The following CDH4 variants were observed in gnomAD, a reference collection of about 807,000 sequenced individuals.
CDH4 encodes the protein cadherin-4.
CDH4 carries 33 observed loss-of-function variants against 86.0 expected under a neutral mutation model. The ratio of observed to expected loss-of-function variants is 0.38; its 90% CI spans 0.29 to 0.51. CDH4 has a LOEUF of 0.51. Among genes scored for constraint, CDH4 ranks in the 20% least tolerant of loss-of-function variants. CDH4 has a pLI of 0.86. For missense variants in CDH4, 1,114 were observed against 1,307.4 expected (o/e 0.85, Z 2.28); for synonymous variants, 555 against 549.4 (o/e 1.01, Z -0.14).
At chr20:61,719,076 G>A (rs768739102) in intron 2 of CDH4, 1 of 471,130 alleles carries the variant, frequency 2.1e-6, no homozygotes, top group Non-Finnish European at 4.4e-6. Context: ...AGGAAGTGCT[G>A]GCGAAAGCAA....
intron 3 of CDH4, among the ~76,000 whole-genome samples, chr20:61,748,132 G>A (rs1240123191): frequency 6.6e-6 from 1 of 151,828 alleles, no homozygotes; most frequent in African/African-American, 2.4e-5. Context: ...GCCATTGAAT[G>A]ATTTCTTTTC....
In CDH4 at chr20:61,265,781, T is replaced by C. The variant is rs189246030; in HGVS notation, c.169+10844T>C. 5.3e-5 allele frequency among the ~76,000 whole-genome samples: 8 copies of C among 152,294 alleles called. No homozygotes were observed. In the South Asian group the frequency reaches 8.3e-4, roughly 16 times the overall value. On this transcript the variant is annotated intron_variant, in intron 2 of 15. Transcript: ENST00000614565. ...TGAGTGACCTGGCATGAGCTGTGGG[T>C]CAGGGAGGTCTATCTGAAGGAATGC...
At chr20:61,764,937 C>G (rs571729831) in intron 3 of CDH4, among the ~76,000 whole-genome samples, 1 of 152,204 alleles carries the variant, frequency 6.6e-6, no homozygotes, top group Non-Finnish European at 1.5e-5. Flanking sequence ...ACAGTAGGAT[C>G]AGCAGAATGC....
intron 2 of CDH4, among the ~76,000 whole-genome samples, chr20:61,319,901 G>A (rs2084498945): frequency 6.6e-6 from 1 of 151,228 alleles, no homozygotes; most frequent in South Asian, 2.1e-4. Flanking sequence ...GATGCAGTAA[G>A]CCGAGATTAT....
chr20:61,383,114 A>AGAATATATATGAATATATTATATATAT (rs1208753218), intron 2 of CDH4, among the ~76,000 whole-genome samples: 1,098 of 80,368 alleles, frequency 0.014, 164 homozygotes, highest in African/African-American at 0.058. Flanking sequence ...TATTATATAT[A>AGAATATATATGAATATATTATATATAT]GAATATATAT....
intron 2 of CDH4, among the ~76,000 whole-genome samples, chr20:61,636,891 C>G (rs2086952962): frequency 6.6e-6 from 1 of 152,180 alleles, no homozygotes; most frequent in Admixed American, 6.5e-5. Flanking sequence ...GGCCCACCCT[C>G]CCTGAGCTGC....
chr20:61,845,531 A>C (rs1418968545), intron 5 of CDH4, among the ~76,000 whole-genome samples: 1 of 152,202 alleles, frequency 6.6e-6, no homozygotes, highest in Non-Finnish European at 1.5e-5. Flanking sequence ...AGAGCTGTCC[A>C]TCACGTGTAG....
At chr20:61,352,753 C>G (rs560270358) in intron 2 of CDH4, among the ~76,000 whole-genome samples, 3 of 152,046 alleles carry the variant, frequency 2.0e-5, no homozygotes, top group East Asian at 3.9e-4. Flanking sequence ...GCCATTCACT[C>G]CCCCCGGTCA....
intron 2 of CDH4, among the ~76,000 whole-genome samples, chr20:61,406,544 G>T (rs112801402): frequency 8.6e-6 from 1 of 116,764 alleles, no homozygotes; most frequent in South Asian, 3.1e-4. Context: ...TTCTCTGCCC[G>T]GACCACCATC....
intron 6 of CDH4, among the ~76,000 whole-genome samples, chr20:61,863,707 G>T (rs1479799687): frequency 1.3e-5 from 2 of 152,238 alleles, no homozygotes; most frequent in Non-Finnish European, 2.9e-5. Context: ...AGCACAGGAA[G>T]GAGGCCAGAG....
intron 2 of CDH4, among the ~76,000 whole-genome samples, chr20:61,308,494 A>G (rs1486901735): frequency 6.6e-6 from 1 of 152,188 alleles, no homozygotes; most frequent in Non-Finnish European, 1.5e-5. Context: ...ATCTCTGTCC[A>G]CCTGCAAACT....
intron 4 of CDH4, among the ~76,000 whole-genome samples, chr20:61,793,428 A>C (rs889597297): frequency 6.6e-6 from 1 of 152,238 alleles, no homozygotes; most frequent in Admixed American, 6.5e-5. Context: ...GAAAAATTTT[A>C]AAAAGGCTCT....
At chr20:61,806,535 A>G (rs148284823) in intron 4 of CDH4, among the ~76,000 whole-genome samples, 2 of 151,100 alleles carry the variant, frequency 1.3e-5, no homozygotes, top group African/African-American at 2.4e-5. Flanking sequence ...ACGTGTGCAC[A>G]CACATGTCCA....
intron 2 of CDH4, among the ~76,000 whole-genome samples, chr20:61,645,791 C>T (rs374132059): frequency 7.2e-5 from 11 of 152,250 alleles, no homozygotes; most frequent in African/African-American, 2.4e-4. Flanking sequence ...GAAACTGAGT[C>T]ACAGAGTGGT....
intron 2 of CDH4, among the ~76,000 whole-genome samples, chr20:61,626,589 G>A (rs562657288): frequency 1.3e-5 from 2 of 152,282 alleles, no homozygotes; most frequent in South Asian, 2.1e-4. Context: ...GCTGGCGCCC[G>A]GCCTTGCCAG....
intron 2 of CDH4, among the ~76,000 whole-genome samples, chr20:61,390,468 C>T (rs1488649049): frequency 6.8e-6 from 1 of 146,060 alleles, no homozygotes; most frequent in Non-Finnish European, 1.5e-5. Context: ...CGATTGGGTT[C>T]GTACAGTCAT....
chr20:61,427,708 T>C (rs1054179338), intron 2 of CDH4, among the ~76,000 whole-genome samples: 1 of 151,964 alleles, frequency 6.6e-6, no homozygotes, highest in Non-Finnish European at 1.5e-5. Flanking sequence ...ACCCCCAATT[T>C]CGTGACAGGC....
intron 2 of CDH4, among the ~76,000 whole-genome samples, chr20:61,364,051 C>G (rs534448472): frequency 2.0e-5 from 3 of 152,146 alleles, no homozygotes; most frequent in African/African-American, 7.2e-5. Context: ...TTCCATGTGT[C>G]GTTTAGACAC....
At chr20:61,520,637 T>C (rs73150285) in intron 2 of CDH4, among the ~76,000 whole-genome samples, 12,830 of 152,278 alleles carry the variant, frequency 0.084, 631 homozygotes, top group Non-Finnish European at 0.12. Context: ...CATAGTTTCC[T>C]CTTTCATCCT....
Sources: allele counts gnomAD v4.1 joint callset (sites outside exome capture counted in the v4.1 genomes callset), GRCh38; gene constraint gnomAD v4.1.1; transcripts MANE v1.5; gene names NCBI Gene and HGNC (gene_info 2026-07-23, HGNC 2026-07-21).